PTPRR: variants seen among roughly 807,000 people sequenced by gnomAD.
PTPRR encodes the protein receptor-type tyrosine-protein phosphatase R.
Under a neutral mutation model 77.2 loss-of-function variants are expected in PTPRR, and 38 were observed. The observed-to-expected ratio is 0.49, with a 90% CI of 0.38 to 0.65. The LOEUF (loss-of-function observed/expected upper bound fraction) is 0.65. Ranked by LOEUF, PTPRR falls within the 30% of genes least tolerant of loss-of-function variation. The pLI is 0.00. For missense variants in PTPRR, 744 were observed against 799.2 expected (o/e 0.93, Z 0.83); for synonymous variants, 299 against 283.1 (o/e 1.06, Z -0.57).
rs758866012 is a variant in PTPRR at position 70,754,219 on chromosome 12, A to T, written c.710T>A (p.Ile237Asn). The change falls in exon 5 of 14, where the codon ATC (isoleucine) becomes AAC (asparagine). Residue 237 changes from isoleucine (I) to asparagine (N), a missense_variant. This residue lies in a region of PTPRR where 570 missense variants were observed against 573.2 expected (regional missense o/e 0.99). Transcript: ENST00000283228. ...GFYAVVIFLS[I>N]FVIIVTCLMI... Reference sequence around the variant, plus strand: ...CAAACACGTTACTATAATAACAAAGATGCTGAGAAAAATGACAACAGCATA... The same window carrying T: ...CAAACACGTTACTATAATAACAAAGTTGCTGAGAAAAATGACAACAGCATA... The T allele has an allele frequency of 1.2e-6, 2 of 1,613,664 alleles. No homozygotes were observed. Among genetic ancestry groups the T allele is most frequent in the South Asian group, 2.2e-5 (2 of 91,072 alleles).
intron 2 of PTPRR, among the ~76,000 whole-genome samples, chr12:70,850,717 G>T (rs1892558275): frequency 6.6e-6 from 1 of 152,042 alleles, no homozygotes; most frequent in Non-Finnish European, 1.5e-5. Context: ...ACGCTTTTGG[G>T]GAATACGAAA....
intron 2 of PTPRR, among the ~76,000 whole-genome samples, chr12:70,890,936 A>G (rs1300360325): frequency 6.6e-6 from 1 of 152,086 alleles, no homozygotes; most frequent in Non-Finnish European, 1.5e-5. Flanking sequence ...GAAGCTAAAC[A>G]TTATTGATTT....
chr12:70,724,513 G>A lies in PTPRR; in HGVS notation c.1007+21305C>T, dbSNP rs1889368397. On this transcript the variant is annotated intron_variant, in intron 6 of 13. Transcript: ENST00000283228. ...GTAACTCTTAACTGGTATTATTAATGTTTTTTATTACTACTGCACTGCTAT... is the reference window on the plus strand; with the variant it reads ...GTAACTCTTAACTGGTATTATTAATATTTTTTATTACTACTGCACTGCTAT... Among the ~76,000 whole-genome samples, 4 of 152,166 alleles carry A rather than the reference G, an allele frequency of 2.6e-5. No homozygotes were observed. In the South Asian group the frequency reaches 6.2e-4, roughly 24 times the overall value.
intron 6 of PTPRR, among the ~76,000 whole-genome samples, chr12:70,743,540 G>A (rs1565677629): frequency 6.6e-6 from 1 of 152,238 alleles, no homozygotes; most frequent in South Asian, 2.1e-4. Flanking sequence ...AGGTAGAGGA[G>A]GAAAACTGAT....
intron 2 of PTPRR, among the ~76,000 whole-genome samples, chr12:70,872,571 C>T (rs1453298264): frequency 6.6e-6 from 1 of 151,578 alleles, no homozygotes; most frequent in Non-Finnish European, 1.5e-5. Context: ...TGGCGGGTGC[C>T]TGTAGTCCCA....
intron 6 of PTPRR, among the ~76,000 whole-genome samples, chr12:70,717,098 T>G (rs549716482): frequency 1.3e-5 from 2 of 152,238 alleles, no homozygotes; most frequent in East Asian, 3.8e-4. Context: ...TAACATACTA[T>G]TCTTCCTCAG....
chr12:70,750,148 C>A (rs941639266), intron 5 of PTPRR, among the ~76,000 whole-genome samples: 6 of 152,086 alleles, frequency 3.9e-5, no homozygotes, highest in Non-Finnish European at 8.8e-5. Flanking sequence ...TTATGCCTGG[C>A]AACATTTTTT....
intron 2 of PTPRR, among the ~76,000 whole-genome samples, chr12:70,789,574 C>T (rs1255512352): frequency 1.3e-5 from 2 of 151,784 alleles, no homozygotes; most frequent in Non-Finnish European, 2.9e-5. Context: ...TATGATTGAA[C>T]CCTGAGGGAT....
At chr12:70,650,490 A>G (rs1347747930) in intron 13 of PTPRR, among the ~76,000 whole-genome samples, 1 of 152,124 alleles carries the variant, frequency 6.6e-6, no homozygotes, top group Non-Finnish European at 1.5e-5. Flanking sequence ...CCCCGAACTT[A>G]GTCAAGAACC....
At chr12:70,862,173 A>G (rs578058712) in intron 2 of PTPRR, among the ~76,000 whole-genome samples, 29 of 152,040 alleles carry the variant, frequency 1.9e-4, no homozygotes, top group Non-Finnish European at 3.5e-4. Flanking sequence ...TCCAAGGCCT[A>G]CTGAAAGCTA....
At chr12:70,835,494 T>C (rs181216295) in intron 2 of PTPRR, among the ~76,000 whole-genome samples, 327 of 152,214 alleles carry the variant, frequency 2.1e-3, no homozygotes, top group Middle Eastern at 6.8e-3. Flanking sequence ...ATTAAGTACA[T>C]AGAAAGTGGC....
intron 6 of PTPRR, among the ~76,000 whole-genome samples, chr12:70,719,372 C>T (rs1356210161): frequency 2.6e-5 from 4 of 152,060 alleles, no homozygotes; most frequent in African/African-American, 9.7e-5. Flanking sequence ...GGCTGCCCGG[C>T]CCCATCCTTT....
At chr12:70,876,932 G>A (rs1212155395) in intron 2 of PTPRR, among the ~76,000 whole-genome samples, 2 of 152,214 alleles carry the variant, frequency 1.3e-5, no homozygotes, top group African/African-American at 4.8e-5. Context: ...TGGAAAAGAT[G>A]TTTGGGCTCT....
At chr12:70,695,900 T>C (rs1397486427) in intron 8 of PTPRR, among the ~76,000 whole-genome samples, 1 of 152,192 alleles carries the variant, frequency 6.6e-6, no homozygotes, top group Non-Finnish European at 1.5e-5. Flanking sequence ...AGTTTAACAA[T>C]GTATTTCCAA....
chr12:70,762,959 T>C (rs1462092045), intron 3 of PTPRR, among the ~76,000 whole-genome samples: 5 of 152,108 alleles, frequency 3.3e-5, no homozygotes, highest in Non-Finnish European at 5.9e-5. Context: ...CCTTCACCCT[T>C]GCAAACAGCT....
At chr12:70,705,828 A>T (rs935639535) in intron 6 of PTPRR, among the ~76,000 whole-genome samples, 1 of 151,906 alleles carries the variant, frequency 6.6e-6, no homozygotes, top group Non-Finnish European at 1.5e-5. Context: ...TTTAATGTTG[A>T]TGTTGTCTTC....
chr12:70,912,248 A>T (rs1893711135), intron 1 of PTPRR, among the ~76,000 whole-genome samples: 1 of 152,152 alleles, frequency 6.6e-6, no homozygotes, highest in Non-Finnish European at 1.5e-5. Flanking sequence ...CTGTGCATTT[A>T]TTGCTTCCTT....
At chr12:70,872,065 T>C (rs1425153331) in intron 2 of PTPRR, among the ~76,000 whole-genome samples, 1 of 152,088 alleles carries the variant, frequency 6.6e-6, no homozygotes, top group African/African-American at 2.4e-5. Context: ...CTTAGCTCTA[T>C]TTTTTTCTTA....
At chr12:70,765,124 G>C (rs1404942810) in intron 2 of PTPRR, among the ~76,000 whole-genome samples, 1 of 152,194 alleles carries the variant, frequency 6.6e-6, no homozygotes, top group Non-Finnish European at 1.5e-5. Context: ...TGAGGTACCA[G>C]GTTCATCTCA....
Sources: gnomAD v4.1 joint callset for allele counts (sites outside exome capture counted in the v4.1 genomes callset) on GRCh38, gnomAD v4.1.1 for gene constraint, gnomAD v4.1.1 regional missense constraint, MANE v1.5 for transcripts, NCBI Gene and HGNC (gene_info 2026-07-23, HGNC 2026-07-21) for gene names.